The following CDH12 variants were observed in gnomAD, a reference collection of about 807,000 sequenced individuals.
The protein encoded by CDH12 is cadherin-12.
Under a neutral mutation model 74.1 loss-of-function variants are expected in CDH12, and 41 were observed. The ratio of observed to expected loss-of-function variants is 0.55; its 90% CI spans 0.43 to 0.72. The LOEUF (loss-of-function observed/expected upper bound fraction) is 0.72, where lower values mean the gene tolerates loss of function less well. Among genes scored for constraint, CDH12 ranks in the 30% least tolerant of loss-of-function variants. CDH12 has a pLI of 0.00. For missense variants in CDH12, 945 were observed against 977.2 expected, an observed-to-expected ratio of 0.97 and a Z score of 0.44; for synonymous variants, 399 against 355.0, an observed-to-expected ratio of 1.12 and a Z score of -1.39.
intron 3 of CDH12, among the ~76,000 whole-genome samples, chr5:22,396,586 A>G (rs1230839536): frequency 1.3e-5 from 2 of 152,130 alleles, no homozygotes; most frequent in Non-Finnish European, 1.5e-5. Context: ...TTATCTCTTC[A>G]TGCTGCCTGA....
At chr5:21,998,947 C>G (rs73742034) in intron 5 of CDH12, among the ~76,000 whole-genome samples, 1 of 152,092 alleles carries the variant, frequency 6.6e-6, no homozygotes, top group Admixed American at 6.6e-5. Flanking sequence ...AAACACAATA[C>G]AGAGAAAATT....
In CDH12 at chr5:22,806,679, G is replaced by A. The variant is rs190457317; in HGVS notation, c.-523+46379C>T. Among the ~76,000 whole-genome samples the A allele has an allele frequency of 6.9e-3, 1,052 of 152,174 alleles. 11 individuals are homozygous for A. The highest frequency in any genetic ancestry group is 0.024 in the African/African-American group (997 of 41,532). ...TAATGATTGCCATTCTAACTGGTGT[G>A]AGATGTTATCTCATTGTGGTTTTGA... is the stretch of plus-strand genomic sequence containing the variant. On this transcript the variant is annotated intron_variant, in intron 1 of 14. Transcript: ENST00000382254.
intron 3 of CDH12, among the ~76,000 whole-genome samples, chr5:22,221,111 T>C (rs1429770321): frequency 6.6e-6 from 1 of 151,926 alleles, no homozygotes; most frequent in East Asian, 1.9e-4. Context: ...ATTTAGAGGG[T>C]CTTTTTATTA....
intron 1 of CDH12, among the ~76,000 whole-genome samples, chr5:22,624,392 T>G (rs1198110334): frequency 6.6e-6 from 1 of 151,738 alleles, no homozygotes; most frequent in Non-Finnish European, 1.5e-5. Flanking sequence ...TGGGAGAAAA[T>G]TTTTGCAATC....
rs954648543 is a variant in CDH12 at position 22,755,767 on chromosome 5, C to G, written c.-523+97291G>C. ...ATATTACATTTCTAAAGTTTTAAAA[C>G]TTTTTATCTTTTCTTGGGTATATAC... On this transcript the variant is annotated intron_variant, in intron 1 of 14. Transcript: ENST00000382254. 2.6e-5 allele frequency among the ~76,000 whole-genome samples: 4 copies of G among 152,056 alleles called. No individual in the cohort carries two copies. The East Asian group carries it at 5.8e-4, about 22-fold the overall frequency.
chr5:22,113,610 T>C (rs1744934385), intron 4 of CDH12, among the ~76,000 whole-genome samples: 1 of 152,096 alleles, frequency 6.6e-6, no homozygotes. Flanking sequence ...CTAAAATGTA[T>C]AAAACCAAGC....
At chr5:22,226,521 G>A (rs2150372098) in intron 3 of CDH12, among the ~76,000 whole-genome samples, 1 of 152,008 alleles carries the variant, frequency 6.6e-6, no homozygotes, top group Non-Finnish European at 1.5e-5. Flanking sequence ...GGACCTCTGA[G>A]ATCTTATAAC....
At chr5:22,814,161 T>A (rs1749280197) in intron 1 of CDH12, among the ~76,000 whole-genome samples, 1 of 152,186 alleles carries the variant, frequency 6.6e-6, no homozygotes, top group Non-Finnish European at 1.5e-5. Flanking sequence ...CATTTTCTTG[T>A]CTTACATAAT....
intron 1 of CDH12, among the ~76,000 whole-genome samples, chr5:22,735,660 C>T (rs1393020552): frequency 2.0e-5 from 3 of 151,820 alleles, no homozygotes; most frequent in Non-Finnish European, 2.9e-5. Flanking sequence ...AAACAAATCT[C>T]GTTAGAACTT....
chr5:22,351,270 T>C (rs770705272), intron 3 of CDH12, among the ~76,000 whole-genome samples: 114 of 152,120 alleles, frequency 7.5e-4, no homozygotes, highest in Non-Finnish European at 1.4e-3. Flanking sequence ...TGACAAACAA[T>C]GGAAGCAAAT....
intron 2 of CDH12, among the ~76,000 whole-genome samples, chr5:22,497,484 C>T (rs576569077): frequency 4.1e-4 from 63 of 152,150 alleles, no homozygotes; most frequent in African/African-American, 1.5e-3. Flanking sequence ...TCATTGCTCA[C>T]CAGGTTGTTG....
chr5:22,511,048 C>T (rs543000521), intron 1 of CDH12, among the ~76,000 whole-genome samples: 1 of 152,080 alleles, frequency 6.6e-6, no homozygotes, highest in African/African-American at 2.4e-5. Flanking sequence ...ACACCCACCA[C>T]CATGCTCAGC....
At chr5:22,036,358 C>T (rs1416380255) in intron 5 of CDH12, among the ~76,000 whole-genome samples, 2 of 152,132 alleles carry the variant, frequency 1.3e-5, no homozygotes, top group Non-Finnish European at 2.9e-5. Flanking sequence ...AATAGCAGAG[C>T]TCATTTCCAG....
intron 14 of CDH12, 62 bp from the exon 15 acceptor site, chr5:21,752,298 A>G: frequency 6.8e-7 from 1 of 1,470,816 alleles, no homozygotes; most frequent in Non-Finnish European, 9.1e-7. Context: ...TCATCTCTCC[A>G]TAAAAATTAA....
intron 6 of CDH12, among the ~76,000 whole-genome samples, chr5:21,962,557 G>A (rs990438340): frequency 4.0e-5 from 6 of 151,764 alleles, no homozygotes; most frequent in Admixed American, 2.6e-4. Flanking sequence ...TTTTCCCCTT[G>A]ATTATTTATT....
chr5:22,847,634 T>A (rs926997796), intron 1 of CDH12, among the ~76,000 whole-genome samples: 2 of 152,182 alleles, frequency 1.3e-5, no homozygotes, highest in Non-Finnish European at 1.5e-5. Context: ...GATCGTTTAA[T>A]TAGCATCACG....
chr5:21,949,984 C>T (rs140109577), intron 6 of CDH12, among the ~76,000 whole-genome samples: 4,978 of 152,210 alleles, frequency 0.033, 241 homozygotes, highest in African/African-American at 0.11. Flanking sequence ...TCACCACTTA[C>T]TCACTAACTC....
chr5:22,209,766 C>A (rs1751425919), intron 4 of CDH12, among the ~76,000 whole-genome samples: 1 of 151,868 alleles, frequency 6.6e-6, no homozygotes, highest in Non-Finnish European at 1.5e-5. Context: ...CAAGAGTTCA[C>A]CTGTTCTGAA....
intron 2 of CDH12, among the ~76,000 whole-genome samples, chr5:22,416,945 T>G (rs1055972171): frequency 6.6e-6 from 1 of 152,194 alleles, no homozygotes; most frequent in Non-Finnish European, 1.5e-5. Flanking sequence ...TTTCAAAGAT[T>G]ATAGCCATGG....
Sources: allele counts gnomAD v4.1 joint callset (sites outside exome capture counted in the v4.1 genomes callset), GRCh38; gene constraint gnomAD v4.1.1; transcripts MANE v1.5; gene names NCBI Gene and HGNC (gene_info 2026-07-23, HGNC 2026-07-21).